The following ANO6 variants were observed in gnomAD, a reference collection of about 807,000 sequenced individuals.
ANO6 encodes anoctamin 6.
A neutral mutation model predicts 117.5 loss-of-function variants in ANO6; 106 were observed. The observed-to-expected ratio is 0.90, with a 90% CI of 0.77 to 1.06. The LOEUF (loss-of-function observed/expected upper bound fraction) is 1.06, where lower values mean the gene tolerates loss of function less well. Ranked by LOEUF, ANO6 falls within the 50% of genes least tolerant of loss-of-function variation. The pLI is 0.00. For missense variants in ANO6, 955 were observed against 1,121.1 expected (o/e 0.85, Z 2.12); for synonymous variants, 367 against 385.1 (o/e 0.95, Z 0.55).
chr12:45,239,262 G>C (rs1947698989), intron 1 of ANO6, among the ~76,000 whole-genome samples: 1 of 152,162 alleles, frequency 6.6e-6, no homozygotes, highest in Admixed American at 6.5e-5. Context: ...TCCTGGTTTA[G>C]TCTTGGGAAG....
chr12:45,401,960 A>C lies in ANO6; in HGVS notation c.1552A>C (p.Ile518Leu). 1 of 1,614,116 alleles carries C rather than the reference A, an allele frequency of 6.2e-7. No homozygotes were observed. Among genetic ancestry groups the C allele is most frequent in the Non-Finnish European group, 8.5e-7 (1 of 1,180,008 alleles). Residue 518 changes from isoleucine to leucine, a missense_variant, in exon 13 of 20, where the codon ATA (isoleucine) becomes CTA (leucine). Physicochemically the swap from Ile to Leu is conservative, Grantham distance 5. Coordinates refer to ENST00000320560, the MANE Select transcript of ANO6 (RefSeq NM_001025356.3). ...CATCACGGCCTCCATCATCAGCTTT[A>C]TAATTATCATGATTCTGAACACCAT... ...TSITASIISF[I>L]IIMILNTIYE...
intron 1 of ANO6, chr12:45,292,712 G>A (rs1939142407): frequency 7.4e-7 from 1 of 1,349,688 alleles, no homozygotes; most frequent in East Asian, 3.0e-5. Context: ...TAGGAATAGG[G>A]GAAGAGTTCA....
chr12:45,303,726 G>A (rs1474627656), intron 2 of ANO6, among the ~76,000 whole-genome samples: 1 of 152,178 alleles, frequency 6.6e-6, no homozygotes, highest in African/African-American at 2.4e-5. Context: ...GAAGAAGACA[G>A]CTAGTCTAAG....
chr12:45,397,514 T>C (rs972377556), intron 12 of ANO6, among the ~76,000 whole-genome samples: 5 of 152,226 alleles, frequency 3.3e-5, no homozygotes, highest in South Asian at 4.1e-4. Flanking sequence ...TAAATCATAC[T>C]ACTATGAAGA....
chr12:45,438,542 C>A (rs1290225813), intron 19 of ANO6, among the ~76,000 whole-genome samples: 1 of 152,102 alleles, frequency 6.6e-6, no homozygotes, highest in Non-Finnish European at 1.5e-5. Flanking sequence ...TGTTCAGCAT[C>A]CCCAAGAGAA....
intron 1 of ANO6, among the ~76,000 whole-genome samples, chr12:45,244,676 C>T (rs1429357960): frequency 1.3e-5 from 2 of 152,076 alleles, no homozygotes; most frequent in Non-Finnish European, 2.9e-5. Flanking sequence ...GACACTGCTG[C>T]GTTTTGAAAC....
At chr12:45,425,510 A>C (rs930746054) in intron 19 of ANO6, among the ~76,000 whole-genome samples, 4 of 152,252 alleles carry the variant, frequency 2.6e-5, no homozygotes, top group Admixed American at 6.5e-5. Flanking sequence ...GATGACTAAC[A>C]GAGAAAACTA....
chr12:45,218,501 C>T (rs1009148915), intron 1 of ANO6, among the ~76,000 whole-genome samples: 3 of 148,982 alleles, frequency 2.0e-5, no homozygotes, highest in African/African-American at 7.5e-5. Flanking sequence ...CTCAAGCGAT[C>T]CTCCCACTTA....
At chr12:45,296,739 T>A (rs1028921931) in intron 1 of ANO6, among the ~76,000 whole-genome samples, 1 of 152,214 alleles carries the variant, frequency 6.6e-6, no homozygotes, top group Non-Finnish European at 1.5e-5. Flanking sequence ...AGGTTTAGAT[T>A]CCCATTGTGT....
chr12:45,345,988 CG>C (rs891841529), intron 3 of ANO6, among the ~76,000 whole-genome samples: 1 of 99,626 alleles, frequency 1.0e-5, no homozygotes, highest in African/African-American at 4.2e-5. Context: ...AAAAATGGGG[CG>C]GGGGGGTTAG....
intron 1 of ANO6, among the ~76,000 whole-genome samples, chr12:45,221,877 CTT>C (rs71093866): frequency 0.063 from 7,802 of 124,600 alleles, 338 homozygotes; most frequent in East Asian, 0.27. Context: ...TCCCCGACTC[CTT>C]TTTTTTTTTT....
At chr12:45,440,109 T>G in exon 20 of ANO6, 1 of 579,380 alleles carries the variant, frequency 1.7e-6, no homozygotes, top group Non-Finnish European at 2.6e-6. Context: ...CACAAGCTTT[T>G]ATATGTATAG....
intron 1 of ANO6, among the ~76,000 whole-genome samples, chr12:45,298,223 A>G (rs1357423608): frequency 1.3e-5 from 2 of 152,236 alleles, no homozygotes; most frequent in South Asian, 2.1e-4. Context: ...TGAACTAAAC[A>G]TGATGCCACT....
intron 9 of ANO6, among the ~76,000 whole-genome samples, chr12:45,368,927 C>T (rs1430400084): frequency 2.0e-5 from 3 of 152,206 alleles, no homozygotes; most frequent in Admixed American, 2.0e-4. Context: ...GCGTAAAATA[C>T]TGGCTATCTG....
chr12:45,392,820 T>C (rs1358433910), intron 12 of ANO6, among the ~76,000 whole-genome samples: 1 of 152,170 alleles, frequency 6.6e-6, no homozygotes, highest in Non-Finnish European at 1.5e-5. Flanking sequence ...AAAGGTCATC[T>C]ACACCAAAAC....
rs59530541 is a variant in ANO6 at position 45,431,621 on chromosome 12, A to G, written c.*2310A>G. 0.01 allele frequency: 10,093 copies of G among 985,364 alleles called. 750 individuals are homozygous for G. In the African/African-American group the frequency reaches 0.16, roughly 15 times the overall value. 61.0% of individuals were successfully genotyped at this position (985,364 alleles called of 1,614,324 possible). On this transcript the variant is annotated 3_prime_UTR_variant, in exon 20 of 20. Coordinates refer to ENST00000320560, the MANE Select transcript of ANO6 (RefSeq NM_001025356.3). Reference sequence around the variant, plus strand: ...CCAAAAGAGCAAAGTTGTAGTGGAGATGCAGGGTCATTTCCCCATGCCATC... The same window carrying G: ...CCAAAAGAGCAAAGTTGTAGTGGAGGTGCAGGGTCATTTCCCCATGCCATC...
intron 1 of ANO6, among the ~76,000 whole-genome samples, chr12:45,286,382 G>A (rs1045588801): frequency 6.6e-6 from 1 of 152,080 alleles, no homozygotes. Context: ...CCATCCAGAA[G>A]GAATTTTTAT....
rs776030027 is a variant in ANO6, at chr12:45,357,391, A to G, written c.965A>G (p.Tyr322Cys). 18 of 1,613,736 alleles carry G rather than the reference A, an allele frequency of 1.1e-5. No homozygotes were observed. The South Asian group carries it at 1.5e-4, about 14-fold the overall frequency. The change falls in exon 8 of 20, where the codon TAT becomes TGT. Residue 322 changes from tyrosine to cysteine, a missense_variant. Physicochemically the swap from Tyr to Cys is radical, Grantham distance 194 (BLOSUM62 -2). Transcript: ENST00000320560. ...GTTGTAGGAGTGGCTTGCTTTCTCT[A>G]TGGATATCTTAATCAAGATAACTGT... ...AAVVGVACFLYGYLNQDNCTW... is the reference protein window; with the variant it reads ...AAVVGVACFLCGYLNQDNCTW...
chr12:45,307,241 G>A (rs2137321263), intron 2 of ANO6, among the ~76,000 whole-genome samples: 1 of 152,214 alleles, frequency 6.6e-6, no homozygotes, highest in Admixed American at 6.5e-5. Context: ...GATTATGGAG[G>A]AGCAGAGCAG....
Sources: allele counts gnomAD v4.1 joint callset (sites outside exome capture counted in the v4.1 genomes callset), GRCh38; gene constraint gnomAD v4.1.1; transcripts MANE v1.5; gene names NCBI Gene and HGNC (gene_info 2026-07-23, HGNC 2026-07-21).